Variants in TFPI observed in about 807,000 individuals in gnomAD.
The protein encoded by TFPI is anti-convertin.
Under a neutral mutation model 34.6 loss-of-function variants are expected in TFPI, and 15 were observed. The ratio of observed to expected loss-of-function variants is 0.43; its 90% CI spans 0.29 to 0.67. TFPI has a LOEUF of 0.67. Among genes scored for constraint, TFPI ranks in the 30% least tolerant of loss-of-function variants. The pLI is 0.15. For synonymous variants in TFPI, 105 were observed against 120.1 expected (o/e 0.87, Z 0.82); for missense variants, 301 against 364.0 (o/e 0.83, Z 1.41).
chr2:187,506,445 C>T (rs949030931), intron 1 of TFPI, among the ~76,000 whole-genome samples: 3 of 152,100 alleles, frequency 2.0e-5, no homozygotes, highest in African/African-American at 7.2e-5. Context: ...GTGCACTTAT[C>T]GTTAATATAC....
At chr2:187,513,881 T>C (rs959712011) in intron 1 of TFPI, 2 of 152,246 alleles carry the variant, frequency 1.3e-5, no homozygotes, top group African/African-American at 4.8e-5. Context: ...CTTGCCTTGT[T>C]ATACCCTGTG....
chr2:187,532,603 C>G lies in TFPI; in HGVS notation c.-3+21597G>C, dbSNP rs147659323. The stretch of plus-strand genomic sequence containing the variant: ...CAACCCGCAGACCAGGAGATTCCAT[C>G]GCGTGCTTACGCCATTGAGGCCCTG... On this transcript the variant is annotated intron_variant, in intron 1 of 7. Transcript: ENST00000233156. Among the ~76,000 whole-genome samples the G allele has an allele frequency of 8.3e-3, 1,259 of 152,308 alleles. 25 individuals are homozygous for G. Among genetic ancestry groups the G allele is most frequent in the East Asian group, 7.9e-3 (41 of 5,174 alleles).
At chr2:187,475,879 A>G (rs1248546852) in intron 6 of TFPI, among the ~76,000 whole-genome samples, 1 of 152,192 alleles carries the variant, frequency 6.6e-6, no homozygotes, top group African/African-American at 2.4e-5. Context: ...CTGATGTCCA[A>G]ATTCCCTCTT....
At chr2:187,507,366 C>T (rs1352738906) in intron 1 of TFPI, among the ~76,000 whole-genome samples, 1 of 152,058 alleles carries the variant, frequency 6.6e-6, no homozygotes, top group Non-Finnish European at 1.5e-5. Context: ...CCGTGACAAA[C>T]GTGTGAAAGC....
intron 2 of TFPI, among the ~76,000 whole-genome samples, chr2:187,503,368 C>T (rs764734411): frequency 1.1e-4 from 16 of 151,632 alleles, no homozygotes; most frequent in Non-Finnish European, 2.4e-4. Flanking sequence ...CCCGGAGCTA[C>T]TCCAGTGTTT....
At chr2:187,488,440 A>G in intron 3 of TFPI, 65 bp from the exon 4 acceptor site, 1 of 1,079,892 alleles carries the variant, frequency 9.3e-7, no homozygotes, top group Non-Finnish European at 1.3e-6. Context: ...ATGAATTTGA[A>G]TTTAACAAAC....
intron 1 of TFPI, chr2:187,544,520 G>C (rs919809715): frequency 2.6e-5 from 4 of 151,880 alleles, no homozygotes; most frequent in Non-Finnish European, 5.9e-5. Context: ...TATAATTGCA[G>C]ATTTGTTGAC....
intron 2 of TFPI, among the ~76,000 whole-genome samples, chr2:187,502,052 G>A (rs1685887066): frequency 6.6e-6 from 1 of 152,062 alleles, no homozygotes; most frequent in African/African-American, 2.4e-5. Flanking sequence ...TTTTTCAGAT[G>A]TGAGATAAGG....
intron 1 of TFPI, among the ~76,000 whole-genome samples, chr2:187,541,411 A>T (rs1688577644): frequency 6.6e-6 from 1 of 152,212 alleles, no homozygotes; most frequent in East Asian, 1.9e-4. Context: ...GGTTCCTGGC[A>T]CTGACTTGGG....
chr2:187,545,596 C>T (rs1185961561), intron 1 of TFPI, among the ~76,000 whole-genome samples: 1 of 152,102 alleles, frequency 6.6e-6, no homozygotes, highest in Admixed American at 6.5e-5. Flanking sequence ...TCAAAAGACA[C>T]GCTATTCTCA....
chr2:187,482,794 A>G (rs1265856447), intron 6 of TFPI, among the ~76,000 whole-genome samples: 1 of 148,858 alleles, frequency 6.7e-6, no homozygotes, highest in Non-Finnish European at 1.5e-5. Flanking sequence ...ATAAGGGAGG[A>G]TGGGGATGGG....
intron 2 of TFPI, 86 bp from the exon 3 acceptor site, chr2:187,497,164 T>C (rs1685541857): frequency 3.2e-6 from 4 of 1,231,442 alleles, no homozygotes; most frequent in Non-Finnish European, 4.5e-6. Flanking sequence ...TATGTCCTGA[T>C]TTTAAGGAAA....
intron 3 of TFPI, 142 bp downstream of exon 3, chr2:187,496,739 A>C: frequency 1.3e-6 from 1 of 758,808 alleles, no homozygotes; most frequent in Non-Finnish European, 2.0e-6. Flanking sequence ...GGATTCCCTG[A>C]AAGTCTAAAA....
chr2:187,548,350 T>C (rs1688970974), intron 1 of TFPI, among the ~76,000 whole-genome samples: 2 of 152,152 alleles, frequency 1.3e-5, no homozygotes, highest in South Asian at 4.1e-4. Context: ...GGATATATCA[T>C]TGATTGGCAC....
chr2:187,498,671 C>T (rs917118395), intron 2 of TFPI, among the ~76,000 whole-genome samples: 2 of 151,834 alleles, frequency 1.3e-5, no homozygotes, highest in African/African-American at 4.8e-5. Context: ...AATACCATCT[C>T]ATTATTTTGA....
chr2:187,514,724 A>G (rs999270506), intron 1 of TFPI: 1 of 152,176 alleles, frequency 6.6e-6, no homozygotes, highest in Non-Finnish European at 1.5e-5. Context: ...CTGGCATTTC[A>G]TCAACCAGAG....
intron 3 of TFPI, among the ~76,000 whole-genome samples, chr2:187,494,327 C>T (rs1574420656): frequency 6.6e-6 from 1 of 152,258 alleles, no homozygotes; most frequent in Non-Finnish European, 1.5e-5. Context: ...ACAACCACTT[C>T]TGCTTTCTAA....
At chr2:187,506,342 A>T (rs1396633346) in intron 1 of TFPI, among the ~76,000 whole-genome samples, 6 of 152,094 alleles carry the variant, frequency 3.9e-5, no homozygotes, top group Non-Finnish European at 2.9e-5. Context: ...TATTTAAAAT[A>T]GTTTTAGATT....
chr2:187,491,279 T>C (rs892700071), intron 3 of TFPI, among the ~76,000 whole-genome samples: 3 of 152,020 alleles, frequency 2.0e-5, no homozygotes, highest in Non-Finnish European at 1.5e-5. Flanking sequence ...AAGTGGATTT[T>C]AGTGTAACCA....
Sources: gnomAD v4.1 joint callset for allele counts (sites outside exome capture counted in the v4.1 genomes callset) on GRCh38, gnomAD v4.1.1 for gene constraint, MANE v1.5 for transcripts, NCBI Gene and HGNC (gene_info 2026-07-23, HGNC 2026-07-21) for gene names.